The following SLC44A2 variants were observed in gnomAD, a reference collection of about 807,000 sequenced individuals.
SLC44A2 encodes the protein choline transporter-like protein 2.
Under a neutral mutation model 90.8 loss-of-function variants are expected in SLC44A2, and 57 were observed. The observed-to-expected ratio is 0.63, with a 90% CI of 0.51 to 0.78. The LOEUF (loss-of-function observed/expected upper bound fraction) is 0.78. SLC44A2 is among the 30% of genes least tolerant of loss of function. The probability of loss-of-function intolerance (pLI) is 0.00; values close to 1 mark genes in which losing one functional copy is unlikely to be tolerated. For synonymous variants in SLC44A2, 355 were observed against 360.7 expected, an observed-to-expected ratio of 0.98 and a Z score of 0.18; for missense variants, 794 against 919.7, an observed-to-expected ratio of 0.86 and a Z score of 1.77.
At chr19:10,608,222 C>G (rs528581617) in intron 1 of SLC44A2, among the ~76,000 whole-genome samples, 2 of 130,296 alleles carry the variant, frequency 1.5e-5, no homozygotes, top group Admixed American at 1.5e-4. Context: ...GACTCCGTCT[C>G]AAAGAAAAAA....
At chr19:10,643,245 C>T (rs757669658) in intron 21 of SLC44A2, 34 bp from the exon 22 acceptor site, 7 of 1,592,806 alleles carry the variant, frequency 4.4e-6, no homozygotes, top group African/African-American at 2.7e-5. Context: ...GTGGGCTCCC[C>T]TCATGCCTCC....
In SLC44A2 at chr19:10,629,580, T is replaced by C. The variant is rs1018666596; in HGVS notation, c.246-1477T>C. ...GGTGTGAGCCACCACACCCGGCCTA[T>C]TATTATTATTACTATTATTATTATT... On this transcript the variant is annotated intron_variant, in intron 4 of 21. Coordinates refer to ENST00000335757, the MANE Select transcript of SLC44A2 (RefSeq NM_020428.4). Among the ~76,000 whole-genome samples the C allele has an allele frequency of 2.0e-5, 3 of 150,484 alleles. No homozygotes were observed. The South Asian group carries it at 6.3e-4, about 32-fold the overall frequency.
intron 4 of SLC44A2, among the ~76,000 whole-genome samples, chr19:10,628,608 A>G (rs1205811606): frequency 6.6e-6 from 1 of 152,204 alleles, no homozygotes; most frequent in African/African-American, 2.4e-5. Flanking sequence ...ACCCTCAGCC[A>G]CTAGTCTAGT....
chr19:10,631,209 G>T (rs2066990291), intron 5 of SLC44A2, 66 bp from the exon 6 acceptor site: 1 of 1,604,504 alleles, frequency 6.2e-7, no homozygotes, highest in Non-Finnish European at 8.5e-7. Flanking sequence ...TGTGAATGTG[G>T]GCTGCGACCT....
At position 10,643,024 on chromosome 19, in the gene SLC44A2, G is replaced by A; in HGVS notation, c.2015-255G>A. ...GGGCAGAAGCCGAGGAGTAGAGAGT[G>A]AGGGAGACTGGCGTGGGGGCCAGGT... On this transcript the variant is annotated intron_variant, in intron 21 of 21. Transcript: ENST00000335757. 3.3e-6 allele frequency: 5 copies of A among 1,535,058 alleles called. No individual in the cohort carries two copies. In the South Asian group the frequency reaches 6.1e-5, roughly 19 times the overall value.
chr19:10,641,355 C>T (rs775854612), intron 20 of SLC44A2: 1 of 431,054 alleles, frequency 2.3e-6, no homozygotes, highest in South Asian at 1.7e-5. Flanking sequence ...GATGGGGCCA[C>T]TGCACTCTAG....
At position 10,636,435 on chromosome 19, in the gene SLC44A2, A is replaced by G. The variant is rs1181268521; in HGVS notation, c.1346A>G (p.Asn449Ser). The G allele has an allele frequency of 8.1e-6, 13 of 1,613,778 alleles. No individual in the cohort carries two copies. Among genetic ancestry groups the G allele is most frequent in the Middle Eastern group, 1.6e-4 (1 of 6,084 alleles). ...GCCCTGCTGGGCCTGCAGATCTTCA[A>G]TGCCTTCATGTTCTTCTGGTTGGCC... ...HRALLGLQIF[N>S]AFMFFWLANF... The change falls in exon 15 of 22, where the codon AAT (asparagine) becomes AGT (serine). Residue 449 changes from asparagine to serine, a missense_variant. Around this residue, in one of 3 missense-constraint regions of SLC44A2, gnomAD observed 738 missense variants for 841.1 expected, o/e 0.88. Transcript: ENST00000335757.
chr19:10,632,363 C>A (rs963129774), intron 10 of SLC44A2, among the ~76,000 whole-genome samples: 2 of 151,770 alleles, frequency 1.3e-5, no homozygotes, highest in African/African-American at 4.8e-5. Flanking sequence ...ATGGAGAAAC[C>A]CCGTCTCTAC....
At chr19:10,611,146 G>A (rs1406076174) in intron 1 of SLC44A2, among the ~76,000 whole-genome samples, 1 of 152,000 alleles carries the variant, frequency 6.6e-6, no homozygotes, top group East Asian at 1.9e-4. Flanking sequence ...GGGCTAGAGA[G>A]CATTATTTTA....
At chr19:10,637,070 T>A (rs940274858) in intron 16 of SLC44A2, 18 of 281,392 alleles carry the variant, frequency 6.4e-5, no homozygotes, top group South Asian at 3.7e-4. Flanking sequence ...AAGACTGGTT[T>A]ATTAGCCGGG....
At position 10,636,404 on chromosome 19, in the gene SLC44A2, C is replaced by CA. The variant is rs1568453755; in HGVS notation, c.1316dup (p.His439GlnfsTer121). ...CTTCTACGGTGGTGAGTCGGGCTAC[C>CA]ACCGGGCCCTGCTGGGCCTGCAGAT... On this transcript the variant is annotated frameshift_variant, in exon 15 of 22. Transcript: ENST00000335757. LOFTEE classifies it high-confidence loss of function. The CA allele has an allele frequency of 6.2e-7, 1 of 1,614,076 alleles. No homozygotes were observed. Among genetic ancestry groups the CA allele is most frequent in the Non-Finnish European group, 8.5e-7 (1 of 1,180,022 alleles).
chr19:10,624,709 G>A (rs1303241621), upstream of SLC44A2, among the ~76,000 whole-genome samples: 1 of 152,242 alleles, frequency 6.6e-6, no homozygotes, highest in African/African-American at 2.4e-5. Context: ...TTCAGAGGGT[G>A]CAGAAGGAGC....
rs1568454387 is a variant in SLC44A2 at position 10,636,981 on chromosome 19, C to CAGG, written c.1591+225_1591+226insAGG. 3 of 516,738 alleles carry CAGG rather than the reference C, an allele frequency of 5.8e-6. No homozygotes were observed. In the African/African-American group the frequency reaches 5.9e-5, roughly 10 times the overall value. The allele number at this position is 516,738 out of a possible 1,614,324, so 32.0% of individuals were successfully genotyped here. A position where few individuals can be genotyped will look rare whatever the true frequency, so the allele number is the denominator to read the frequency against. ...GAATTCTTGCTGTTGAGGGGACAGG[C>CAGG]CCAAGAGGCCTGGCCCACCATTGGT... On this transcript the variant is annotated intron_variant, in intron 16 of 21. Coordinates refer to ENST00000335757, the MANE Select transcript of SLC44A2 (RefSeq NM_020428.4).
intron 1 of SLC44A2, among the ~76,000 whole-genome samples, chr19:10,608,131 G>A (rs1397667940): frequency 6.6e-6 from 1 of 151,656 alleles, no homozygotes; most frequent in Non-Finnish European, 1.5e-5. Context: ...GCTGAGGCAG[G>A]AGAATCGCTT....
chr19:10,631,146 C>G lies in SLC44A2; in HGVS notation c.330+5C>G, dbSNP rs1369129400. Reference sequence around the variant, plus strand: ...TTCCAATGTCCCACTCCCCAGGTAACCTGGTCCCCACCGTTCCCTTTTTCC... The same window carrying G: ...TTCCAATGTCCCACTCCCCAGGTAAGCTGGTCCCCACCGTTCCCTTTTTCC... On this transcript the variant is annotated splice_donor_5th_base_variant and intron_variant, in intron 5 of 21. Coordinates refer to ENST00000335757, the MANE Select transcript of SLC44A2 (RefSeq NM_020428.4). 6.2e-7 allele frequency: 1 copy of G among 1,613,376 alleles called. No individual in the cohort carries two copies. The highest frequency in any genetic ancestry group is 1.3e-5 in the African/African-American group (1 of 74,892).
upstream of SLC44A2, chr19:10,625,485 C>T: frequency 8.2e-7 from 1 of 1,219,774 alleles, no homozygotes; most frequent in Non-Finnish European, 1.0e-6. Context: ...CAGCTCGGGC[C>T]GGTCTGACCG....
chr19:10,603,508 C>T (rs919052439), intron 1 of SLC44A2, among the ~76,000 whole-genome samples: 1 of 152,134 alleles, frequency 6.6e-6, no homozygotes, highest in African/African-American at 2.4e-5. Context: ...GGAAACGGCT[C>T]GAAAATATTC....
chr19:10,640,165 A>G (rs984872748), intron 20 of SLC44A2, among the ~76,000 whole-genome samples: 3 of 132,288 alleles, frequency 2.3e-5, no homozygotes, highest in African/African-American at 8.9e-5. Flanking sequence ...ATCTCTGCTC[A>G]CCACAACCTC....
intron 1 of SLC44A2, among the ~76,000 whole-genome samples, chr19:10,616,166 G>A (rs2066853660): frequency 6.6e-6 from 1 of 151,502 alleles, no homozygotes; most frequent in Non-Finnish European, 1.5e-5. Context: ...AGGATGAAAT[G>A]AGGTGAACCA....
Sources: allele counts gnomAD v4.1 joint callset (sites outside exome capture counted in the v4.1 genomes callset), GRCh38; gene constraint gnomAD v4.1.1; regional missense constraint gnomAD v4.1.1; transcripts MANE v1.5; gene names NCBI Gene and HGNC (gene_info 2026-07-23, HGNC 2026-07-21).